GORASP2: variants seen among roughly 807,000 people sequenced by gnomAD.
The protein encoded by GORASP2 is Golgi reassembly-stacking protein 2.
GORASP2 carries 22 observed loss-of-function variants against 45.7 expected under a neutral mutation model. That is an observed-to-expected ratio of 0.48 (90% CI 0.34 to 0.69). The LOEUF is 0.69. Ranked by LOEUF, GORASP2 falls within the 30% of genes least tolerant of loss-of-function variation. The pLI, the probability that GORASP2 is intolerant of heterozygous loss-of-function variation, is 0.01. For synonymous variants in GORASP2, 221 were observed against 215.6 expected (o/e 1.02, Z -0.22); for missense variants, 491 against 562.7 (o/e 0.87, Z 1.29).
chr2:170,937,486 C>A, intron 1 of GORASP2, among the ~76,000 whole-genome samples: 1 of 152,090 alleles, frequency 6.6e-6, no homozygotes, highest in East Asian at 1.9e-4. Flanking sequence ...TAGCTGTGAG[C>A]CACATCCCTG....
Position 170,966,287 on chromosome 2 carries a change from C to T in GORASP2, c.*157C>T, listed in dbSNP as rs922608110. The T allele has an allele frequency of 3.1e-6, 2 of 638,952 alleles. No individual in the cohort carries two copies. Among genetic ancestry groups the T allele is most frequent in the Non-Finnish European group, 5.6e-6 (2 of 359,542 alleles). The allele number at this position is 638,952 out of a possible 1,614,324, so 39.6% of individuals were successfully genotyped here. A position where few individuals can be genotyped will look rare whatever the true frequency, so the allele number is the denominator to read the frequency against. ...AACTAAACGAGGACGTGGGTTGTATCCTGCCAGGTTGAGTGGGGCTCACAC... is the reference window on the plus strand; with the variant it reads ...AACTAAACGAGGACGTGGGTTGTATTCTGCCAGGTTGAGTGGGGCTCACAC... On this transcript the variant is annotated 3_prime_UTR_variant, in exon 10 of 10. Transcript: ENST00000234160.
chr2:170,935,708 G>A (rs1402621462), intron 1 of GORASP2, among the ~76,000 whole-genome samples: 1 of 151,576 alleles, frequency 6.6e-6, no homozygotes, highest in African/African-American at 2.4e-5. Flanking sequence ...CCCAGTAGCT[G>A]GGACTACAGG....
chr2:170,954,173 A>G (rs951324863), intron 5 of GORASP2: 2 of 153,252 alleles, frequency 1.3e-5, no homozygotes, highest in Non-Finnish European at 2.9e-5. Context: ...TGTGTAAATG[A>G]TGTCATCATA....
intron 7 of GORASP2, among the ~76,000 whole-genome samples, chr2:170,959,706 T>C (rs1704507105): frequency 6.6e-6 from 1 of 152,220 alleles, no homozygotes; most frequent in Admixed American, 6.5e-5. Context: ...TATATGTATT[T>C]TTAAACTTTT....
chr2:170,933,537 G>A (rs1703876139), intron 1 of GORASP2, among the ~76,000 whole-genome samples: 2 of 152,190 alleles, frequency 1.3e-5, no homozygotes, highest in African/African-American at 4.8e-5. Flanking sequence ...CCCTGTGTAT[G>A]TGCAGGTACA....
intron 1 of GORASP2, among the ~76,000 whole-genome samples, chr2:170,945,504 A>C (rs1704163071): frequency 6.7e-6 from 1 of 149,792 alleles, no homozygotes; most frequent in African/African-American, 2.5e-5. Flanking sequence ...CTTGTCTCAA[A>C]AAAAAAAAAA....
chr2:170,963,467 T>TCCCCCC (rs1704616306), intron 9 of GORASP2, among the ~76,000 whole-genome samples: 2 of 95,086 alleles, frequency 2.1e-5, no homozygotes, highest in African/African-American at 4.6e-5. Context: ...CTCCTCCTCC[T>TCCCCCC]CCTCCCCCTC....
intron 1 of GORASP2, among the ~76,000 whole-genome samples, chr2:170,941,268 A>G (rs1373507545): frequency 1.3e-5 from 2 of 152,124 alleles, no homozygotes; most frequent in African/African-American, 4.8e-5. Flanking sequence ...TATAATTATT[A>G]TTTTGTAAGC....
intron 1 of GORASP2, among the ~76,000 whole-genome samples, chr2:170,935,298 A>G (rs1007717655): frequency 1.3e-5 from 2 of 151,578 alleles, no homozygotes; most frequent in African/African-American, 2.4e-5. Flanking sequence ...TCTATCACCC[A>G]GGCTGGAGTG....
intron 1 of GORASP2, among the ~76,000 whole-genome samples, chr2:170,933,031 G>A (rs968755234): frequency 1.3e-5 from 2 of 151,990 alleles, no homozygotes; most frequent in African/African-American, 4.8e-5. Context: ...AATTATTAGT[G>A]GATGGTGACT....
chr2:170,962,505 T>G (rs1183650199), intron 8 of GORASP2, among the ~76,000 whole-genome samples: 2 of 152,114 alleles, frequency 1.3e-5, no homozygotes, highest in Non-Finnish European at 2.9e-5. Context: ...AAATTCAGTT[T>G]CATTATCTGC....
intron 7 of GORASP2, 139 bp downstream of exon 7, chr2:170,956,698 A>G: frequency 1.5e-6 from 1 of 659,990 alleles, no homozygotes; most frequent in Non-Finnish European, 2.4e-6. Context: ...GCTTGAGCTC[A>G]GGAGTTCTAA....
At chr2:170,959,907 C>T (rs1244915205) in intron 7 of GORASP2, among the ~76,000 whole-genome samples, 1 of 150,706 alleles carries the variant, frequency 6.6e-6, no homozygotes, top group Non-Finnish European at 1.5e-5. Context: ...CTGTAACCTC[C>T]ACCTCCTGGG....
At chr2:170,950,068 TCTGA>T (rs1353599424) in intron 3 of GORASP2, 132 bp from the exon 4 acceptor site, 1 of 569,794 alleles carries the variant, frequency 1.8e-6, no homozygotes, top group African/African-American at 1.9e-5. Context: ...TTCTGTAGTT[TCTGA>T]CATCTGACAC....
At position 170,949,535 on chromosome 2, in the gene GORASP2, A is replaced by G. The variant is rs760707053; in HGVS notation, c.145-4A>G. ...TAAGGAATGTGATTTCTATGTGTTC[A>G]CAGAATAAAGACAATGACACTCTTA... On this transcript the variant is annotated splice_polypyrimidine_tract_variant and splice_region_variant and intron_variant, in intron 2 of 9. Coordinates refer to ENST00000234160, the MANE Select transcript of GORASP2 (RefSeq NM_015530.5). 6.2e-7 allele frequency: 1 copy of G among 1,610,508 alleles called. No individual in the cohort carries two copies. Among genetic ancestry groups the G allele is most frequent in the Non-Finnish European group, 8.5e-7 (1 of 1,176,986 alleles).
At chr2:170,940,641 CTT>C (rs78088107) in intron 1 of GORASP2, among the ~76,000 whole-genome samples, 15 of 138,402 alleles carry the variant, frequency 1.1e-4, no homozygotes, top group Admixed American at 1.5e-4. Context: ...AAGTGAATTG[CTT>C]TTTTTTTTTT....
At chr2:170,928,853 A>T (rs1457556197), upstream of GORASP2, 1 of 153,088 alleles carries the variant, frequency 6.5e-6, no homozygotes. Flanking sequence ...ATACCTACAC[A>T]CCCGGAGAAC....
At chr2:170,937,938 CT>C (rs1163943556) in intron 1 of GORASP2, among the ~76,000 whole-genome samples, 1 of 152,220 alleles carries the variant, frequency 6.6e-6, no homozygotes, top group African/African-American at 2.4e-5. Context: ...AGCTCTATCA[CT>C]TCATTCTGTT....
At chr2:170,945,147 C>A (rs529208987) in intron 1 of GORASP2, among the ~76,000 whole-genome samples, 3 of 151,942 alleles carry the variant, frequency 2.0e-5, no homozygotes, top group African/African-American at 4.8e-5. Flanking sequence ...ATGAAATAAC[C>A]CCCATAGAAA....
Sources: allele counts gnomAD v4.1 joint callset (sites outside exome capture counted in the v4.1 genomes callset), GRCh38; gene constraint gnomAD v4.1.1; transcripts MANE v1.5; gene names NCBI Gene and HGNC (gene_info 2026-07-23, HGNC 2026-07-21).